The following PAN3 variants were observed in gnomAD, a reference collection of about 807,000 sequenced individuals.
The protein encoded by PAN3 is PAN2-PAN3 deadenylation complex subunit PAN3.
PAN3 carries 19 observed loss-of-function variants against 96.2 expected under a neutral mutation model. The ratio of observed to expected loss-of-function variants is 0.20; its 90% CI spans 0.14 to 0.29. PAN3 has a LOEUF of 0.29. PAN3 is among the 10% of genes least tolerant of loss of function. The pLI is 1.00. For synonymous variants in PAN3, 433 were observed against 406.6 expected (o/e 1.06, Z -0.78); for missense variants, 882 against 1,108.1 (o/e 0.80, Z 2.90).
At chr13:28,148,814 T>A (rs1482278183) in intron 1 of PAN3, among the ~76,000 whole-genome samples, 1 of 152,230 alleles carries the variant, frequency 6.6e-6, no homozygotes. Flanking sequence ...TGTTCCACAT[T>A]CGCACATAGA....
chr13:28,246,838 G>A (rs1185233225), intron 6 of PAN3, among the ~76,000 whole-genome samples: 1 of 152,068 alleles, frequency 6.6e-6, no homozygotes, highest in Non-Finnish European at 1.5e-5. Flanking sequence ...GGACACTTCA[G>A]TTGACTCTGT....
At chr13:28,217,190 C>G (rs1703382432) in intron 5 of PAN3, among the ~76,000 whole-genome samples, 2 of 151,700 alleles carry the variant, frequency 1.3e-5, no homozygotes, top group Admixed American at 6.6e-5. Flanking sequence ...ATATTTGGGT[C>G]TAGAAGGTAG....
intron 1 of PAN3, among the ~76,000 whole-genome samples, chr13:28,140,263 A>G (rs1054922356): frequency 6.6e-6 from 1 of 152,164 alleles, no homozygotes; most frequent in Non-Finnish European, 1.5e-5. Context: ...GGAGTTTACA[A>G]TTGAATGTGA....
chr13:28,197,461 A>T, intron 5 of PAN3, 115 bp downstream of exon 5: 1 of 979,026 alleles, frequency 1.0e-6, no homozygotes. Context: ...ATACTTAGGT[A>T]ATTAAAAAAA....
At chr13:28,221,398 C>T (rs578103812) in intron 6 of PAN3, among the ~76,000 whole-genome samples, 2 of 151,500 alleles carry the variant, frequency 1.3e-5, no homozygotes, top group Admixed American at 1.3e-4. Flanking sequence ...TAAAACAAAG[C>T]CAAAGGATAT....
At chr13:28,204,735 A>C (rs1879145863) in intron 5 of PAN3, among the ~76,000 whole-genome samples, 1 of 152,162 alleles carries the variant, frequency 6.6e-6, no homozygotes, top group African/African-American at 2.4e-5. Context: ...TGATTTTGTA[A>C]ATTTCTCATA....
chr13:28,250,803 C>T (rs148152117), intron 6 of PAN3, among the ~76,000 whole-genome samples: 19 of 152,328 alleles, frequency 1.2e-4, no homozygotes, highest in Admixed American at 6.5e-4. Flanking sequence ...CACATTCAGC[C>T]TCTGCTGAGA....
chr13:28,250,182 A>G (rs928293770), intron 6 of PAN3, among the ~76,000 whole-genome samples: 2 of 148,854 alleles, frequency 1.3e-5, no homozygotes, highest in African/African-American at 4.9e-5. Flanking sequence ...GGTAGAAAGG[A>G]CTTATTTTGC....
intron 9 of PAN3, among the ~76,000 whole-genome samples, chr13:28,265,614 G>A (rs958017673): frequency 6.6e-6 from 1 of 152,202 alleles, no homozygotes; most frequent in African/African-American, 2.4e-5. Flanking sequence ...CAAATGCAGA[G>A]GAAGGATCAT....
At chr13:28,220,092 A>G (rs1881239280) in intron 5 of PAN3, 139 bp from the exon 6 acceptor site, 1 of 792,924 alleles carries the variant, frequency 1.3e-6, no homozygotes, top group East Asian at 2.8e-5. Flanking sequence ...ACACCAAAAT[A>G]TGGAACCGAA....
intron 5 of PAN3, among the ~76,000 whole-genome samples, chr13:28,212,397 A>G (rs1880153152): frequency 6.6e-6 from 1 of 152,228 alleles, no homozygotes; most frequent in South Asian, 2.1e-4. Flanking sequence ...AAGAAGATTT[A>G]TAGGAATATG....
intron 1 of PAN3, among the ~76,000 whole-genome samples, chr13:28,168,357 T>G (rs969981947): frequency 2.6e-5 from 4 of 152,162 alleles, no homozygotes; most frequent in Admixed American, 2.0e-4. Context: ...TTCTGGAGCG[T>G]TTTTGGTTCC....
chr13:28,281,766 C>CTTTTTTTTTTTT (rs10707261), intron 17 of PAN3, among the ~76,000 whole-genome samples: 7 of 114,958 alleles, frequency 6.1e-5, no homozygotes, highest in Non-Finnish European at 1.1e-4. Flanking sequence ...TTAAAGCACA[C>CTTTTTTTTTTTT]TTTTTTTTTT....
At chr13:28,193,323 A>C (rs1348772826) in intron 4 of PAN3, among the ~76,000 whole-genome samples, 2 of 152,210 alleles carry the variant, frequency 1.3e-5, no homozygotes, top group Non-Finnish European at 2.9e-5. Flanking sequence ...GAGAGGCTTT[A>C]GGCTAGTTAA....
chr13:28,199,294 C>T (rs980643145), intron 5 of PAN3, among the ~76,000 whole-genome samples: 2 of 151,960 alleles, frequency 1.3e-5, no homozygotes, highest in South Asian at 2.1e-4. Flanking sequence ...CACGACTGCC[C>T]CCATTATCCT....
At chr13:28,156,640 C>A (rs544207425) in intron 1 of PAN3, among the ~76,000 whole-genome samples, 1 of 152,244 alleles carries the variant, frequency 6.6e-6, no homozygotes, top group Admixed American at 6.5e-5. Flanking sequence ...CCTTGATAAA[C>A]ATAGATGCAA....
At chr13:28,187,404 C>T (rs960249671) in intron 4 of PAN3, among the ~76,000 whole-genome samples, 5 of 152,122 alleles carry the variant, frequency 3.3e-5, no homozygotes, top group Non-Finnish European at 7.4e-5. Context: ...ATATCTGGTA[C>T]GTATTGTGGT....
chr13:28,210,657 C>T (rs1879922111), intron 5 of PAN3, among the ~76,000 whole-genome samples: 1 of 151,788 alleles, frequency 6.6e-6, no homozygotes, highest in Non-Finnish European at 1.5e-5. Context: ...TTCTGACTAA[C>T]CCAGAAGTTG....
chr13:28,264,600 T>G (rs1886008888), intron 9 of PAN3, among the ~76,000 whole-genome samples: 1 of 152,306 alleles, frequency 6.6e-6, no homozygotes, highest in African/African-American at 2.4e-5. Context: ...CCAAGGGATA[T>G]CAATTAAACA....
Sources: gnomAD v4.1 joint callset for allele counts (sites outside exome capture counted in the v4.1 genomes callset) on GRCh38, gnomAD v4.1.1 for gene constraint, MANE v1.5 for transcripts, NCBI Gene and HGNC (gene_info 2026-07-23, HGNC 2026-07-21) for gene names.